ABCB1: variants seen among roughly 807,000 people sequenced by gnomAD.
ABCB1 encodes the protein ATP-dependent translocase ABCB1.
ABCB1 carries 69 observed loss-of-function variants against 142.0 expected under a neutral mutation model. The observed-to-expected ratio is 0.49, with a 90% CI of 0.40 to 0.59. The LOEUF (loss-of-function observed/expected upper bound fraction) is 0.59. Ranked by LOEUF, ABCB1 falls within the 20% of genes least tolerant of loss-of-function variation. The pLI is 0.00. For synonymous variants in ABCB1, 532 were observed against 539.2 expected, an observed-to-expected ratio of 0.99 and a Z score of 0.18; for missense variants, 1,326 against 1,554.7, an observed-to-expected ratio of 0.85 and a Z score of 2.47.
chr7:87,552,935 A>T (rs1196430844), intron 9 of ABCB1, among the ~76,000 whole-genome samples: 2 of 152,186 alleles, frequency 1.3e-5, no homozygotes, highest in African/African-American at 4.8e-5. Context: ...TCTTTAAAAT[A>T]AAAGAGGATA....
At chr7:87,546,466 T>C (rs1816788013) in intron 14 of ABCB1, among the ~76,000 whole-genome samples, 1 of 151,700 alleles carries the variant, frequency 6.6e-6, no homozygotes, top group Non-Finnish European at 1.5e-5. Flanking sequence ...CGGGTGCCTG[T>C]AGTCCCCGCT....
intron 3 of ABCB1, among the ~76,000 whole-genome samples, chr7:87,595,274 C>T (rs1819150846): frequency 6.6e-6 from 1 of 152,106 alleles, no homozygotes; most frequent in African/African-American, 2.4e-5. Context: ...TATTTGAAAT[C>T]ATAGTAATAA....
chr7:87,630,220 C>G (rs1171406846), intron 1 of ABCB1, among the ~76,000 whole-genome samples: 2 of 152,114 alleles, frequency 1.3e-5, no homozygotes, highest in East Asian at 3.8e-4. Flanking sequence ...AAAAATGTGT[C>G]TAGCATCTTA....
intron 27 of ABCB1, among the ~76,000 whole-genome samples, chr7:87,504,798 C>G (rs1283991845): frequency 2.1e-5 from 3 of 143,978 alleles, no homozygotes; most frequent in Non-Finnish European, 4.5e-5. Context: ...GAGCGAGACT[C>G]CATCTCAAAG....
At chr7:87,538,898 T>C (rs944242608) in intron 19 of ABCB1, among the ~76,000 whole-genome samples, 2 of 152,228 alleles carry the variant, frequency 1.3e-5, no homozygotes, top group African/African-American at 4.8e-5. Context: ...AGGGCATCTC[T>C]TGGTGGGAAG....
At chr7:87,513,023 T>C (rs961822314) in intron 25 of ABCB1, among the ~76,000 whole-genome samples, 1 of 152,214 alleles carries the variant, frequency 6.6e-6, no homozygotes, top group Non-Finnish European at 1.5e-5. Flanking sequence ...AGATGCACAG[T>C]GTAAAATCTG....
At chr7:87,684,729 AGAGT>A (rs1240311884) in intron 1 of ABCB1, among the ~76,000 whole-genome samples, 1 of 138,254 alleles carries the variant, frequency 7.2e-6, no homozygotes, top group Non-Finnish European at 1.5e-5. Flanking sequence ...GCCTGGTGAC[AGAGT>A]GAGACTCCGT....
intron 7 of ABCB1, among the ~76,000 whole-genome samples, chr7:87,563,150 T>G (rs1181987509): frequency 6.6e-6 from 1 of 152,138 alleles, no homozygotes; most frequent in African/African-American, 2.4e-5. Context: ...TAAAGAGTTC[T>G]GAAATTGAGG....
chr7:87,544,097 A>C, intron 17 of ABCB1, 32 bp downstream of exon 17: 1 of 1,611,622 alleles, frequency 6.2e-7, no homozygotes, highest in Non-Finnish European at 8.5e-7. Context: ...CAGGATTCAC[A>C]AGTAAATCAC....
At chr7:87,670,894 T>G (rs1825761177) in intron 1 of ABCB1, among the ~76,000 whole-genome samples, 2 of 152,200 alleles carry the variant, frequency 1.3e-5, no homozygotes, top group Non-Finnish European at 2.9e-5. Context: ...AAGTGTGAGT[T>G]TCTCTCCCCC....
intron 25 of ABCB1, among the ~76,000 whole-genome samples, 193 bp from the exon 26 acceptor site, chr7:87,509,674 T>C (rs1329952279): frequency 1.3e-5 from 2 of 152,220 alleles, no homozygotes; most frequent in Non-Finnish European, 2.9e-5. Context: ...CTGTCATGTT[T>C]CCTGTGTTTC....
intron 7 of ABCB1, 54 bp downstream of exon 7, chr7:87,566,016 G>T: frequency 6.3e-7 from 1 of 1,586,958 alleles, no homozygotes; most frequent in South Asian, 1.1e-5. Flanking sequence ...CGTAGGGTGA[G>T]AGCAGGAAGG....
chr7:87,516,607 G>T lies in ABCB1; in HGVS notation c.2986C>A (p.Pro996Thr). The T allele has an allele frequency of 1.2e-6, 2 of 1,614,136 alleles. No individual in the cohort carries two copies. The highest frequency in any genetic ancestry group is 8.5e-7 in the Non-Finnish European group (1 of 1,180,034). Residue 996 changes from proline to threonine, a missense_variant, in exon 24 of 28, where the codon CCT (proline) becomes ACT (threonine). Pro to Thr is a conservative substitution (Grantham distance 38). Transcript: ENST00000622132. Reference sequence around the variant, plus strand: ...GATATTTTGGCTTTGGCATAGTCAGGAGCAAATGAACTGACTTGCCCCACG... The same window carrying T: ...GATATTTTGGCTTTGGCATAGTCAGTAGCAAATGAACTGACTTGCCCCACG... ...MAVGQVSSFA[P>T]DYAKAKISAA...
At position 87,504,122 on chromosome 7, in the gene ABCB1, G is replaced by A; in HGVS notation, c.*121C>T. On this transcript the variant is annotated 3_prime_UTR_variant, in exon 28 of 28. Transcript: ENST00000622132. ...CGAAGTCTCTGAAGACTCTGAACTTGACTGAGGAAATGTTAAACAGATACC... is the reference window on the plus strand; with the variant it reads ...CGAAGTCTCTGAAGACTCTGAACTTAACTGAGGAAATGTTAAACAGATACC... The A allele has an allele frequency of 7.6e-7, 1 of 1,319,042 alleles. No individual in the cohort carries two copies. The highest frequency in any genetic ancestry group is 1.1e-6 in the Non-Finnish European group (1 of 941,758). 81.7% of individuals were successfully genotyped at this position (1,319,042 alleles called of 1,614,324 possible).
chr7:87,590,410 C>A (rs1009722127), intron 3 of ABCB1, among the ~76,000 whole-genome samples: 19 of 152,166 alleles, frequency 1.2e-4, no homozygotes, highest in African/African-American at 4.6e-4. Flanking sequence ...AAAAAGAAAT[C>A]AGACAGTGAT....
At chr7:87,576,833 G>A (rs1263859284) in intron 4 of ABCB1, among the ~76,000 whole-genome samples, 1 of 151,722 alleles carries the variant, frequency 6.6e-6, no homozygotes, top group African/African-American at 2.4e-5. Context: ...TTTGACATAG[G>A]CATACAATGG....
At chr7:87,656,592 A>G (rs550408270) in intron 1 of ABCB1, among the ~76,000 whole-genome samples, 1 of 152,254 alleles carries the variant, frequency 6.6e-6, no homozygotes, top group African/African-American at 2.4e-5. Context: ...GAGGAGGAAA[A>G]TAGAATAAAG....
At chr7:87,685,192 C>G (rs748627220) in intron 1 of ABCB1, among the ~76,000 whole-genome samples, 1 of 152,128 alleles carries the variant, frequency 6.6e-6, no homozygotes, top group African/African-American at 2.4e-5. Context: ...ACATGTTTGA[C>G]AAAGGGATTG....
At chr7:87,698,828 G>A (rs1828746604) in intron 1 of ABCB1, among the ~76,000 whole-genome samples, 1 of 152,164 alleles carries the variant, frequency 6.6e-6, no homozygotes, top group African/African-American at 2.4e-5. Context: ...TGCCAACAGA[G>A]GGACTAGCTG....
Sources: allele counts gnomAD v4.1 joint callset (sites outside exome capture counted in the v4.1 genomes callset), GRCh38; gene constraint gnomAD v4.1.1; transcripts MANE v1.5; gene names NCBI Gene and HGNC (gene_info 2026-07-23, HGNC 2026-07-21).